Variants in ROGDI observed in about 807,000 individuals in gnomAD.
ROGDI encodes the protein protein rogdi homolog.
In ROGDI, 46 loss-of-function variants were observed where a neutral mutation model predicts 43.1. The observed-to-expected ratio is 1.07, with a 90% CI of 0.84 to 1.37. The LOEUF (loss-of-function observed/expected upper bound fraction) is 1.37, where lower values mean the gene tolerates loss of function less well. ROGDI is among the 40% of genes most tolerant of loss of function. The probability of loss-of-function intolerance (pLI) is 0.00; values close to 1 mark genes in which losing one functional copy is unlikely to be tolerated. For synonymous variants in ROGDI, 243 were observed against 162.0 expected, an observed-to-expected ratio of 1.50 and a Z score of -3.80; for missense variants, 518 against 383.9, an observed-to-expected ratio of 1.35 and a Z score of -2.92.
rs1489986132 is a variant in ROGDI, at chr16:4,802,563, G to A, written c.9C>T (p.Thr3=). Residue 3 remains threonine, a synonymous_variant, in exon 1 of 11, where the codon ACC becomes ACT. Transcript: ENST00000322048. MA[T]VMAATAAERA... is the part of the protein sequence containing the mutation. Reference sequence around the variant, plus strand: ...GCTCCGCCGCCGTCGCTGCCATCACGGTGGCCATGGCCGCAGGCCGCCGCC... The same window carrying A: ...GCTCCGCCGCCGTCGCTGCCATCACAGTGGCCATGGCCGCAGGCCGCCGCC... The A allele has an allele frequency of 1.5e-6, 2 of 1,301,196 alleles. No individual in the cohort carries two copies. The highest frequency in any genetic ancestry group is 9.8e-7 in the Non-Finnish European group (1 of 1,018,136). 80.6% of individuals were successfully genotyped at this position (1,301,196 alleles called of 1,614,324 possible). A position where few individuals can be genotyped will look rare whatever the true frequency, so the allele number is the denominator to read the frequency against.
Position 4,799,798 on chromosome 16 carries a change from T to TCCAGAGGGGTCAC in ROGDI, c.337-30_337-18dup. 1 of 1,588,742 alleles carries TCCAGAGGGGTCAC rather than the reference T, an allele frequency of 6.3e-7. No homozygotes were observed. Among genetic ancestry groups the TCCAGAGGGGTCAC allele is most frequent in the Non-Finnish European group, 8.6e-7 (1 of 1,158,600 alleles). ...ATCCTGGATCTGGAAGCAGGGGTCA[T>TCCAGAGGGGTCAC]CCAGAGGGGTCACGCCAGCTTCCAT... On this transcript the variant is annotated splice_polypyrimidine_tract_variant and intron_variant, in intron 5 of 10. Coordinates refer to ENST00000322048, the MANE Select transcript of ROGDI (RefSeq NM_024589.3).
Position 4,800,573 on chromosome 16 carries a change from C to T in ROGDI, c.261G>A (p.Val87=), listed in dbSNP as rs1244544060. The stretch of plus-strand genomic sequence containing the variant: ...GGTTGTTCCGGGGCATCTTCAGGTT[C>T]ACATCCTGACAGGCAAGAGTGGGGT... ...LQGDALSQAD[V]NLKMPRNNQL... is the part of the protein sequence containing the mutation. Residue 87 remains valine (V), a synonymous_variant, in exon 5 of 11, where the codon GTG becomes GTA. Transcript: ENST00000322048. The T allele has an allele frequency of 6.4e-7, 1 of 1,565,562 alleles. No homozygotes were observed. The highest frequency in any genetic ancestry group is 1.9e-5 in the Admixed American group (1 of 52,722).
chr16:4,801,180 G>T, intron 4 of ROGDI, 87 bp downstream of exon 4: 1 of 1,151,030 alleles, frequency 8.7e-7, no homozygotes, highest in Non-Finnish European at 1.2e-6. Flanking sequence ...CCCGCCCAGA[G>T]TCGCAGGGCT....
intron 6 of ROGDI, among the ~76,000 whole-genome samples, chr16:4,799,186 G>C (rs1396153101): frequency 1.3e-5 from 2 of 152,138 alleles, no homozygotes; most frequent in African/African-American, 4.8e-5. Flanking sequence ...CCGTGGCCAT[G>C]AGTACCAGGG....
At chr16:4,800,460 C>T (rs775888608) in intron 5 of ROGDI, 38 bp downstream of exon 5, 3 of 1,522,708 alleles carry the variant, frequency 2.0e-6, no homozygotes, top group Non-Finnish European at 2.7e-6. Flanking sequence ...TGCCGCCTGT[C>T]CTTGTGGCTG....
chr16:4,801,656 C>T, intron 2 of ROGDI, 71 bp from the exon 3 acceptor site: 1 of 1,389,768 alleles, frequency 7.2e-7, no homozygotes, highest in South Asian at 1.2e-5. Flanking sequence ...CTTCCAGAAG[C>T]CCCCCTCCCT....
Position 4,798,089 on chromosome 16 carries a change from C to CA in ROGDI, c.626dup (p.Gln210AlafsTer18), listed in dbSNP as rs778471208. 3.7e-6 allele frequency: 6 copies of CA among 1,613,856 alleles called. No homozygotes were observed. Among genetic ancestry groups the CA allele is most frequent in the Non-Finnish European group, 1.7e-6 (2 of 1,179,926 alleles). On this transcript the variant is annotated frameshift_variant, in exon 8 of 11. Transcript: ENST00000322048. LOFTEE classifies it high-confidence loss of function. ...TCCTCACCTTGGTGGAGTTGGGCTG[C>CA]AGGGCATGCAGCTGGTACACCGTGA...
At chr16:4,801,188 G>T in intron 4 of ROGDI, 79 bp downstream of exon 4, 4 of 1,261,802 alleles carry the variant, frequency 3.2e-6, no homozygotes, top group Non-Finnish European at 3.3e-6. Flanking sequence ...GAGTCGCAGG[G>T]CTTGTACAGA....
At position 4,797,399 on chromosome 16, in the gene ROGDI, G is replaced by C; in HGVS notation, c.*61C>G. 6.6e-7 allele frequency: 1 copy of C among 1,512,842 alleles called. No homozygotes were observed. Among genetic ancestry groups the C allele is most frequent in the Non-Finnish European group, 9.1e-7 (1 of 1,102,020 alleles). The allele number at this position is 1,512,842 out of a possible 1,614,324, so 93.7% of individuals were successfully genotyped here. ...TGGCGTTGGCACTGGCTGGTGCTCT[G>C]TGGTGGGTATGAGTAGGGGACGGGG... On this transcript the variant is annotated 3_prime_UTR_variant, in exon 11 of 11. Transcript: ENST00000322048.
At chr16:4,799,116 C>T (rs1158743140) in intron 6 of ROGDI, among the ~76,000 whole-genome samples, 1 of 152,120 alleles carries the variant, frequency 6.6e-6, no homozygotes. Context: ...CATTCCTTCC[C>T]TTTGCCGTGG....
In ROGDI at chr16:4,801,552, C is replaced by T. The variant is rs768939862; in HGVS notation, c.151G>A (p.Gly51Ser). 7.5e-6 allele frequency: 12 copies of T among 1,606,252 alleles called. No individual in the cohort carries two copies. The highest frequency in any genetic ancestry group is 3.4e-5 in the South Asian group (3 of 89,514). ...TCTTGCTTGGCGGGCCCCTCAGTGC[C>T]GGAGCCCGGCAGAGTGAAGCGCAGA... ...ASLRFTLPGSGTEGPAKQENF... is the reference protein window; with the variant it reads ...ASLRFTLPGSSTEGPAKQENF... The change falls in exon 3 of 11, where the codon GGC becomes AGC. Residue 51 changes from glycine to serine, a missense_variant. Coordinates refer to ENST00000322048, the MANE Select transcript of ROGDI (RefSeq NM_024589.3).
Position 4,797,777 on chromosome 16 carries a change from C to G in ROGDI, c.759G>C (p.Trp253Cys). The part of the protein sequence containing the change: ...HVHKVECVIP[W>C]LNDALVYFTV... ...TGAAGTAGACCAGGGCGTCGTTGAG[C>G]CAGGGGATCACGCACTCCACTTTGT... Residue 253 changes from tryptophan to cysteine, a missense_variant, in exon 10 of 11, where the codon TGG becomes TGC. Transcript: ENST00000322048. 1 of 1,613,718 alleles carries G rather than the reference C, an allele frequency of 6.2e-7. No individual in the cohort carries two copies. The highest frequency in any genetic ancestry group is 8.5e-7 in the Non-Finnish European group (1 of 1,179,962).
intron 5 of ROGDI, 72 bp from the exon 6 acceptor site, chr16:4,799,853 T>C (rs1167096914): frequency 1.9e-6 from 2 of 1,076,188 alleles, no homozygotes; most frequent in East Asian, 5.1e-5. Flanking sequence ...GGGTGCTGCC[T>C]GCCTGCCCCA....
chr16:4,797,943 G>C lies in ROGDI; in HGVS notation c.690C>G (p.Ala230=), dbSNP rs1204605702. The change falls in exon 9 of 11, where the codon GCC becomes GCG. Residue 230 remains alanine (A), a synonymous_variant. Transcript: ENST00000322048. ...AGGAVLHSPG[A]MFEWGSQRLE... is the part of the protein sequence containing the mutation. ...CCCCGCCCCTGCCTACTTACAACAT[G>C]GCCCCAGGGCTATGCAGCACCGCGC... 3 of 1,599,562 alleles carry C rather than the reference G, an allele frequency of 1.9e-6. No homozygotes were observed. In the Admixed American group the frequency reaches 5.0e-5, roughly 27 times the overall value.
At chr16:4,800,694 C>A in intron 4 of ROGDI, 116 bp from the exon 5 acceptor site, 1 of 810,772 alleles carries the variant, frequency 1.2e-6, no homozygotes, top group Admixed American at 2.1e-5. Flanking sequence ...GCCTTGGCCG[C>A]TGTATAGGGC....
chr16:4,800,356 C>T (rs927314839), intron 5 of ROGDI, 142 bp downstream of exon 5: 2 of 692,800 alleles, frequency 2.9e-6, no homozygotes, highest in African/African-American at 1.8e-5. Context: ...CGCCTGCCCC[C>T]AGCTTTGCTG....
At chr16:4,798,336 A>C in intron 7 of ROGDI, 152 bp from the exon 8 acceptor site, 1 of 769,220 alleles carries the variant, frequency 1.3e-6, no homozygotes, top group South Asian at 1.7e-5. Flanking sequence ...GACTTTTCCC[A>C]GGTGCCCCAA....
chr16:4,797,735 G>C lies in ROGDI; in HGVS notation c.801C>G (p.Leu267=), dbSNP rs752844190. ...CCACCTTGTCCTTGAGCTGCTGGCA[G>C]AGCTGCAGGGAGACGGTGAAGTAGA... is the stretch of plus-strand genomic sequence containing the variant. ...ALVYFTVSLQ[L]CQQLKDKISV... The change falls in exon 10 of 11, where the codon CTC becomes CTG. Residue 267 remains leucine, a synonymous_variant. Coordinates refer to ENST00000322048, the MANE Select transcript of ROGDI (RefSeq NM_024589.3). 14 of 1,391,520 alleles carry C rather than the reference G, an allele frequency of 1.0e-5. No individual in the cohort carries two copies. The highest frequency in any genetic ancestry group is 2.8e-6 in the Non-Finnish European group (3 of 1,057,952). 86.2% of individuals were successfully genotyped at this position (1,391,520 alleles called of 1,614,324 possible).
intron 2 of ROGDI, 178 bp from the exon 3 acceptor site, chr16:4,801,763 G>A (rs1223896479): frequency 1.5e-5 from 9 of 618,712 alleles, no homozygotes; most frequent in Non-Finnish European, 2.3e-5. Context: ...ACCTAACCGT[G>A]AGCCCGATCT....
Sources: allele counts gnomAD v4.1 joint callset (sites outside exome capture counted in the v4.1 genomes callset), GRCh38; gene constraint gnomAD v4.1.1; transcripts MANE v1.5; gene names NCBI Gene and HGNC (gene_info 2026-07-23, HGNC 2026-07-21).